Variants in TAFA2 observed in about 807,000 individuals in gnomAD.
TAFA2 encodes chemokine-like protein TAFA-2.
A neutral mutation model predicts 18.8 loss-of-function variants in TAFA2; 7 were observed. The observed-to-expected ratio is 0.37, with a 90% CI of 0.21 to 0.70. The LOEUF is 0.70. Among genes scored for constraint, TAFA2 ranks in the 30% least tolerant of loss-of-function variants. The pLI, the probability that TAFA2 is intolerant of heterozygous loss-of-function variation, is 0.53. For synonymous variants in TAFA2, 60 were observed against 54.2 expected (o/e 1.11, Z -0.47); for missense variants, 122 against 158.1 (o/e 0.77, Z 1.23).
At chr12:62,147,601 G>A (rs1245430) in intron 1 of TAFA2, among the ~76,000 whole-genome samples, 61,802 of 148,876 alleles carry the variant, frequency 0.42, 12,851 homozygotes, top group East Asian at 0.47. Context: ...ACGGTGGCGG[G>A]GGCCTGTAGT....
At chr12:62,160,498 C>T (rs1263560990) in intron 1 of TAFA2, among the ~76,000 whole-genome samples, 1 of 152,170 alleles carries the variant, frequency 6.6e-6, no homozygotes, top group Admixed American at 6.6e-5. Flanking sequence ...TCTTTGTACC[C>T]CTAACCCTTA....
At chr12:61,779,590 C>T (rs914624432) in intron 2 of TAFA2, among the ~76,000 whole-genome samples, 1 of 151,814 alleles carries the variant, frequency 6.6e-6, no homozygotes, top group Admixed American at 6.6e-5. Context: ...GCCAAATACC[C>T]AGGTTTTTGA....
At chr12:61,965,138 G>T (rs1342987882) in intron 1 of TAFA2, among the ~76,000 whole-genome samples, 2 of 151,810 alleles carry the variant, frequency 1.3e-5, no homozygotes, top group Non-Finnish European at 2.9e-5. Context: ...AATCCCCAAG[G>T]TAATGATATT....
chr12:61,762,203 C>A (rs7486975), intron 2 of TAFA2, among the ~76,000 whole-genome samples: 1 of 152,080 alleles, frequency 6.6e-6, no homozygotes, highest in Non-Finnish European at 1.5e-5. Context: ...TGAGAACAGA[C>A]CTTTCTATGC....
intron 1 of TAFA2, among the ~76,000 whole-genome samples, chr12:62,174,555 A>G (rs544977067): frequency 6.6e-6 from 1 of 152,332 alleles, no homozygotes; most frequent in South Asian, 2.1e-4. Flanking sequence ...GATATCAAAC[A>G]AAATTAAGGA....
At chr12:61,953,699 T>A (rs1878547899) in intron 1 of TAFA2, among the ~76,000 whole-genome samples, 1 of 151,724 alleles carries the variant, frequency 6.6e-6, no homozygotes, top group Admixed American at 6.6e-5. Context: ...ATTGGAGGAG[T>A]CTGCCTCAGC....
At chr12:61,759,425 AT>A (rs559857845) in intron 2 of TAFA2, among the ~76,000 whole-genome samples, 9,567 of 152,048 alleles carry the variant, frequency 0.063, 1,000 homozygotes, top group African/African-American at 0.22. Flanking sequence ...CTACTGTGTA[AT>A]TCAGCATGTT....
intron 1 of TAFA2, among the ~76,000 whole-genome samples, chr12:61,936,323 T>G (rs1246048571): frequency 1.3e-5 from 2 of 152,076 alleles, no homozygotes; most frequent in African/African-American, 2.4e-5. Context: ...TCCCAGCACT[T>G]TGGGAGGCTG....
chr12:61,747,554 T>C (rs1479516392), intron 4 of TAFA2, among the ~76,000 whole-genome samples: 20 of 150,702 alleles, frequency 1.3e-4, no homozygotes, highest in Non-Finnish European at 1.5e-5. Context: ...GATGAGTTCA[T>C]GTCCTTTGTA....
chr12:62,132,500 T>C (rs192773953), intron 1 of TAFA2, among the ~76,000 whole-genome samples: 1 of 152,132 alleles, frequency 6.6e-6, no homozygotes, highest in Non-Finnish European at 1.5e-5. Flanking sequence ...TATTTTATAA[T>C]GGCCTCTCTC....
At chr12:62,133,141 T>C (rs1419215121) in intron 1 of TAFA2, among the ~76,000 whole-genome samples, 1 of 152,000 alleles carries the variant, frequency 6.6e-6, no homozygotes, top group East Asian at 1.9e-4. Context: ...CAACCCAATA[T>C]TTCCCACAAA....
intron 1 of TAFA2, among the ~76,000 whole-genome samples, chr12:62,028,315 C>T (rs1881362072): frequency 6.6e-6 from 1 of 152,040 alleles, no homozygotes; most frequent in African/African-American, 2.4e-5. Context: ...ACCAGCTAGA[C>T]CCGTGACAGA....
At chr12:61,738,155 T>A (rs1388239539) in intron 4 of TAFA2, among the ~76,000 whole-genome samples, 1 of 151,994 alleles carries the variant, frequency 6.6e-6, no homozygotes, top group Non-Finnish European at 1.5e-5. Context: ...TAACGTTATA[T>A]TAGTAATAGC....
At chr12:62,207,554 C>G (rs1467988422) in intron 1 of TAFA2, among the ~76,000 whole-genome samples, 5 of 152,108 alleles carry the variant, frequency 3.3e-5, no homozygotes, top group African/African-American at 1.2e-4. Flanking sequence ...CCTCCAGAGG[C>G]CCACCCATTT....
At chr12:62,040,520 G>A (rs1881728806) in intron 1 of TAFA2, among the ~76,000 whole-genome samples, 1 of 152,040 alleles carries the variant, frequency 6.6e-6, no homozygotes, top group African/African-American at 2.4e-5. Context: ...ACAGGAAGAA[G>A]ACAGTCACGC....
At chr12:62,011,184 G>A (rs1301726908) in intron 1 of TAFA2, among the ~76,000 whole-genome samples, 11 of 151,948 alleles carry the variant, frequency 7.2e-5, no homozygotes, top group South Asian at 4.2e-4. Context: ...CGGCTGCCCC[G>A]TCTGGGAAGT....
At position 62,063,181 on chromosome 12, in the gene TAFA2, T is replaced by C. The variant is rs150521122; in HGVS notation, c.-2+128078A>G. 3.9e-3 allele frequency among the ~76,000 whole-genome samples: 600 copies of C among 152,300 alleles called. 2 individuals carry two copies. Among genetic ancestry groups the C allele is most frequent in the African/African-American group, 0.013 (555 of 41,574 alleles). ...TATTCCGCCTGCCACACAGCCCTAG[T>C]GACTTGACTCTATGGTGGTCCTTCA... On this transcript the variant is annotated intron_variant, in intron 1 of 4. Transcript: ENST00000416284.
chr12:62,099,416 C>G (rs921250399), intron 1 of TAFA2, among the ~76,000 whole-genome samples: 2 of 152,100 alleles, frequency 1.3e-5, no homozygotes, highest in Non-Finnish European at 2.9e-5. Context: ...AGTTATAACG[C>G]TCCAGAAACC....
chr12:61,869,244 G>T lies in TAFA2; in HGVS notation c.-1-1818C>A, dbSNP rs112454676. On this transcript the variant is annotated intron_variant, in intron 1 of 4. Coordinates refer to ENST00000416284, the MANE Select transcript of TAFA2 (RefSeq NM_178539.5). ...GGGGTTTAAAACCAGGCTTCCTGCT[G>T]ACTATGTGACTTTGAACAAATTACT... Among the ~76,000 whole-genome samples the T allele has an allele frequency of 1.7e-3, 252 of 152,246 alleles. 1 individual carries two copies. Among genetic ancestry groups the T allele is most frequent in the African/African-American group, 5.9e-3 (244 of 41,538 alleles).
Sources: allele counts gnomAD v4.1 joint callset (sites outside exome capture counted in the v4.1 genomes callset), GRCh38; gene constraint gnomAD v4.1.1; transcripts MANE v1.5; gene names NCBI Gene and HGNC (gene_info 2026-07-23, HGNC 2026-07-21).